Variants in CNTN4 observed in about 807,000 individuals in gnomAD.
The protein encoded by CNTN4 is contactin-4.
CNTN4 carries 77 observed loss-of-function variants against 122.5 expected under a neutral mutation model. That is an observed-to-expected ratio of 0.63 (90% CI 0.52 to 0.76). The LOEUF (loss-of-function observed/expected upper bound fraction) is 0.76. Ranked by LOEUF, CNTN4 falls within the 30% of genes least tolerant of loss-of-function variation. The pLI is 0.00. For missense variants in CNTN4, 1,256 were observed against 1,259.1 expected, an observed-to-expected ratio of 1.00 and a Z score of 0.04; for synonymous variants, 512 against 447.0, an observed-to-expected ratio of 1.15 and a Z score of -1.83.
intron 2 of CNTN4, among the ~76,000 whole-genome samples, chr3:2,257,482 T>G (rs1268483200): frequency 2.0e-5 from 3 of 152,080 alleles, no homozygotes; most frequent in South Asian, 2.1e-4. Flanking sequence ...CAAAAGAAAC[T>G]ATCATCAGAG....
At chr3:2,685,315 C>T (rs1355309620) in intron 4 of CNTN4, among the ~76,000 whole-genome samples, 1 of 152,156 alleles carries the variant, frequency 6.6e-6, no homozygotes, top group Non-Finnish European at 1.5e-5. Flanking sequence ...TCCTAATCCA[C>T]TTTCTATTAC....
At chr3:2,644,433 A>G (rs1268179135) in intron 4 of CNTN4, among the ~76,000 whole-genome samples, 1 of 152,094 alleles carries the variant, frequency 6.6e-6, no homozygotes, top group Non-Finnish European at 1.5e-5. Context: ...TCCTTTCAGA[A>G]ACTCTCTTGA....
At chr3:2,477,236 G>A (rs2075859542) in intron 3 of CNTN4, among the ~76,000 whole-genome samples, 1 of 152,190 alleles carries the variant, frequency 6.6e-6, no homozygotes, top group Admixed American at 6.5e-5. Flanking sequence ...CAGAAAACCT[G>A]GGACAGGATT....
At chr3:2,330,352 A>G (rs1360349803) in intron 2 of CNTN4, among the ~76,000 whole-genome samples, 1 of 152,096 alleles carries the variant, frequency 6.6e-6, no homozygotes, top group Non-Finnish European at 1.5e-5. Context: ...CGACTTCACT[A>G]TAGAGGCATG....
In CNTN4 at chr3:2,709,559, C is replaced by T. The variant is rs2086984970; in HGVS notation, c.56-26656C>T. ...CAGACTTCTAGACCAGTCTCCTTTCCAATTCCATAAAATGAACAATTTCAC... is the reference window on the plus strand; with the variant it reads ...CAGACTTCTAGACCAGTCTCCTTTCTAATTCCATAAAATGAACAATTTCAC... On this transcript the variant is annotated intron_variant, in intron 4 of 24. Coordinates refer to ENST00000418658, the MANE Select transcript of CNTN4 (RefSeq NM_175607.3). This position sits in a 1 kb window ranked among gnomAD's most constrained non-coding sequence, Gnocchi z 5.0. 6.6e-6 allele frequency among the ~76,000 whole-genome samples: 1 copy of T among 152,152 alleles called. No homozygotes were observed. The highest frequency in any genetic ancestry group is 1.5e-5 in the Non-Finnish European group (1 of 68,040).
At chr3:3,025,054 G>T (rs527833424) in intron 14 of CNTN4, among the ~76,000 whole-genome samples, 4 of 152,078 alleles carry the variant, frequency 2.6e-5, no homozygotes, top group African/African-American at 9.7e-5. Context: ...TATTCTTTAG[G>T]CATGTATGCG....
chr3:2,180,582 G>C (rs73806383), intron 2 of CNTN4, among the ~76,000 whole-genome samples: 59 of 152,110 alleles, frequency 3.9e-4, no homozygotes, highest in African/African-American at 1.4e-3. Flanking sequence ...TTGATTTTTA[G>C]GGTTTCTCCT....
chr3:2,592,171 G>T (rs1423452504), intron 4 of CNTN4, among the ~76,000 whole-genome samples: 1 of 152,094 alleles, frequency 6.6e-6, no homozygotes, highest in Non-Finnish European at 1.5e-5. Context: ...ATGAGCCACT[G>T]TGCCCGGCCT....
At chr3:2,400,630 T>A (rs2046823921) in intron 3 of CNTN4, among the ~76,000 whole-genome samples, 1 of 150,006 alleles carries the variant, frequency 6.7e-6, no homozygotes, top group South Asian at 2.1e-4. Flanking sequence ...AAAATGTAGG[T>A]TTAGTAACAA....
chr3:2,472,026 A>G (rs1253658679), intron 3 of CNTN4, among the ~76,000 whole-genome samples: 2 of 151,996 alleles, frequency 1.3e-5, no homozygotes, highest in Non-Finnish European at 2.9e-5. Context: ...GAGTTTAAAA[A>G]TGTTCTCCCC....
intron 3 of CNTN4, among the ~76,000 whole-genome samples, chr3:2,461,347 T>A (rs1354348744): frequency 6.6e-6 from 1 of 151,962 alleles, no homozygotes; most frequent in Non-Finnish European, 1.5e-5. Flanking sequence ...AATTATTAAT[T>A]AATTAGTTAA....
intron 3 of CNTN4, among the ~76,000 whole-genome samples, chr3:2,450,785 A>C (rs778030435): frequency 2.4e-4 from 36 of 152,346 alleles, no homozygotes; most frequent in Admixed American, 9.8e-4. Flanking sequence ...AGAAGAGTCA[A>C]CCTGACTCAA....
At chr3:2,782,240 AG>A in intron 6 of CNTN4, among the ~76,000 whole-genome samples, 1 of 151,600 alleles carries the variant, frequency 6.6e-6, no homozygotes, top group East Asian at 2.0e-4. Flanking sequence ...TCAGTCTTTC[AG>A]GTTACGTTTT....
chr3:2,254,295 G>T (rs1315253524), intron 2 of CNTN4, among the ~76,000 whole-genome samples: 1 of 152,104 alleles, frequency 6.6e-6, no homozygotes, highest in African/African-American at 2.4e-5. Flanking sequence ...TGTCATTGAT[G>T]GGCATACGGG....
intron 2 of CNTN4, among the ~76,000 whole-genome samples, chr3:2,142,037 C>T (rs1276921314): frequency 1.3e-5 from 2 of 152,184 alleles, no homozygotes; most frequent in Non-Finnish European, 2.9e-5. Flanking sequence ...ATCTCACATT[C>T]ATTTTTTGAC....
chr3:2,914,733 C>G (rs1043594166), intron 12 of CNTN4, among the ~76,000 whole-genome samples: 3 of 152,192 alleles, frequency 2.0e-5, no homozygotes, highest in Non-Finnish European at 4.4e-5. Context: ...CAGTTTTCCC[C>G]AAACCCTTCC....
intron 6 of CNTN4, among the ~76,000 whole-genome samples, chr3:2,805,666 A>G (rs961257962): frequency 5.9e-5 from 9 of 152,070 alleles, no homozygotes; most frequent in South Asian, 2.1e-4. Context: ...ATTGAAAACA[A>G]TGGGGGCAGT....
At chr3:2,893,011 A>T (rs561909976) in intron 10 of CNTN4, among the ~76,000 whole-genome samples, 1 of 152,350 alleles carries the variant, frequency 6.6e-6, no homozygotes, top group Admixed American at 6.5e-5. Context: ...AAAAAAATCC[A>T]TCAATCATCC....
chr3:2,693,018 A>C (rs2085827719), intron 4 of CNTN4, among the ~76,000 whole-genome samples: 1 of 152,170 alleles, frequency 6.6e-6, no homozygotes, highest in African/African-American at 2.4e-5. Flanking sequence ...TGTCAATGAG[A>C]TGCTACCTTC....
Sources: gnomAD v4.1 joint callset for allele counts (sites outside exome capture counted in the v4.1 genomes callset) on GRCh38, gnomAD v4.1.1 for gene constraint, Gnocchi (gnomAD v3.1) non-coding constraint, MANE v1.5 for transcripts, NCBI Gene and HGNC (gene_info 2026-07-23, HGNC 2026-07-21) for gene names.